The following USP8 variants were observed in gnomAD, a reference collection of about 807,000 sequenced individuals.
USP8 encodes the protein ubiquitin specific peptidase 8.
In USP8, 27 loss-of-function variants were observed where a neutral mutation model predicts 130.0. The observed-to-expected ratio is 0.21, with a 90% CI of 0.15 to 0.29. The LOEUF is 0.29. Ranked by LOEUF, USP8 falls within the 10% of genes least tolerant of loss-of-function variation. The probability of loss-of-function intolerance (pLI) is 1.00; values close to 1 mark genes in which losing one functional copy is unlikely to be tolerated. For missense variants in USP8, 1,029 were observed against 1,312.2 expected, an observed-to-expected ratio of 0.78 and a Z score of 3.33; for synonymous variants, 392 against 444.1, an observed-to-expected ratio of 0.88 and a Z score of 1.48.
chr15:50,496,110 T>C lies in USP8; in HGVS notation c.2895+26T>C, dbSNP rs767122194. 3.3e-6 allele frequency: 5 copies of C among 1,531,504 alleles called. No individual in the cohort carries two copies. In the African/African-American group the frequency reaches 4.1e-5, roughly 13 times the overall value. 94.9% of individuals were successfully genotyped at this position (1,531,504 alleles called of 1,614,324 possible). Reference sequence around the variant, plus strand: ...GTAAGTTTAAGAAGTAGAGAGAAAATGATTTATTGGATAAAAATGCTGTTT... The same window carrying C: ...GTAAGTTTAAGAAGTAGAGAGAAAACGATTTATTGGATAAAAATGCTGTTT... On this transcript the variant is annotated intron_variant, in intron 17 of 19. Transcript: ENST00000307179.
In USP8 at chr15:50,512,704, A is replaced by C. The variant is rs1319999361; in HGVS notation, c.*13616A>C. 6.6e-6 allele frequency: 1 copy of C among 151,962 alleles called. No homozygotes were observed. Among genetic ancestry groups the C allele is most frequent in the Non-Finnish European group, 1.5e-5 (1 of 68,018 alleles). The allele number at this position is 151,962 out of a possible 1,614,324, so 9.4% of individuals were successfully genotyped here. On this transcript the variant is annotated 3_prime_UTR_variant, in exon 20 of 20. Coordinates refer to ENST00000307179, the MANE Select transcript of USP8 (RefSeq NM_005154.5). ...CTACTTGGGAGGCTGGGGCATGAGA[A>C]TCATTTGAAACCAGGGGGTGGAGGT...
rs568026141 is a variant in USP8 at position 50,507,272 on chromosome 15, G to A, written c.*8184G>A. 5 of 152,642 alleles carry A rather than the reference G, an allele frequency of 3.3e-5. No individual in the cohort carries two copies. The highest frequency in any genetic ancestry group is 1.2e-4 in the African/African-American group (5 of 41,572). 9.5% of individuals were successfully genotyped at this position (152,642 alleles called of 1,614,324 possible). ...CACTCCAGCCTGGGGCACAGAGTGA[G>A]ACTCTGTCTCTAAAACAAAACAACA... On this transcript the variant is annotated 3_prime_UTR_variant, in exon 20 of 20. Transcript: ENST00000307179.
At chr15:50,443,641 G>A (rs1330742243) in intron 3 of USP8, among the ~76,000 whole-genome samples, 8 of 151,724 alleles carry the variant, frequency 5.3e-5, no homozygotes, top group East Asian at 3.9e-4. Context: ...GCACCACCAC[G>A]TCCAGCTAAT....
At position 50,494,240 on chromosome 15, in the gene USP8, T is replaced by C; in HGVS notation, c.2618T>C (p.Leu873Pro). 2 of 1,612,582 alleles carry C rather than the reference T, an allele frequency of 1.2e-6. No individual in the cohort carries two copies. Among genetic ancestry groups the C allele is most frequent in the Non-Finnish European group, 1.7e-6 (2 of 1,179,692 alleles). Residue 873 changes from leucine (L) to proline (P), a missense_variant, in exon 16 of 20, where the codon CTT becomes CCT. This residue lies in a region of USP8 where 257 missense variants were observed against 429.8 expected (regional missense o/e 0.60). Transcript: ENST00000307179. ...GYSQQDSQEL[L>P]LFLMDGLHED... ...AGTCAGCAAGATTCACAAGAATTGC[T>C]TCTGTTCCTAATGGATGGTCTCCAT...
chr15:50,445,535 G>A (rs1374435814), intron 3 of USP8, among the ~76,000 whole-genome samples: 27 of 22,524 alleles, frequency 1.2e-3, no homozygotes, highest in Non-Finnish European at 2.2e-3. Context: ...GACAGAGCAA[G>A]AGTCTGTCTC....
intron 3 of USP8, 104 bp downstream of exon 3, chr15:50,441,597 A>G: frequency 1.1e-6 from 1 of 945,258 alleles, no homozygotes; most frequent in South Asian, 1.8e-5. Context: ...AGCTCAAATT[A>G]TATGCAGCAT....
In USP8 at chr15:50,477,509, T is replaced by C. The variant is rs1204184713; in HGVS notation, c.1218+10T>C. The C allele has an allele frequency of 3.1e-6, 5 of 1,599,812 alleles. No homozygotes were observed. The highest frequency in any genetic ancestry group is 4.3e-6 in the Non-Finnish European group (5 of 1,172,358). On this transcript the variant is annotated intron_variant, in intron 10 of 19. Coordinates refer to ENST00000307179, the MANE Select transcript of USP8 (RefSeq NM_005154.5). ...AAAGAATGTTCCACAGGTATGTTCTTGATTTTAACATTATTCTCGCTTTTG... is the reference window on the plus strand; with the variant it reads ...AAAGAATGTTCCACAGGTATGTTCTCGATTTTAACATTATTCTCGCTTTTG...
intron 3 of USP8, 79 bp from the exon 4 acceptor site, chr15:50,449,321 T>C: frequency 3.5e-6 from 3 of 857,440 alleles, no homozygotes; most frequent in Non-Finnish European, 5.1e-6. Context: ...ATAAGCACCA[T>C]GATTTTAATG....
Position 50,493,827 on chromosome 15 carries a change from T to G in USP8, c.2448-243T>G, listed in dbSNP as rs16963739. ...GCCAGAAGGCAGAACCTCGCTGTCA[T>G]GAACTGGAGCCTGTTGATGATGAGG... On this transcript the variant is annotated intron_variant, in intron 15 of 19. Coordinates refer to ENST00000307179, the MANE Select transcript of USP8 (RefSeq NM_005154.5). 206 of 649,534 alleles carry G rather than the reference T, an allele frequency of 3.2e-4. No homozygotes were observed. The African/African-American group carries it at 3.3e-3, about 10-fold the overall frequency. The allele number at this position is 649,534 out of a possible 1,614,324, so 40.2% of individuals were successfully genotyped here.
At chr15:50,465,023 T>G (rs1431044753) in intron 6 of USP8, 24 bp from the exon 7 acceptor site, 1 of 1,611,750 alleles carries the variant, frequency 6.2e-7, no homozygotes, top group East Asian at 2.2e-5. Context: ...TCTTGTCACT[T>G]ACACTGTCTC....
chr15:50,460,390 T>C (rs2050951535), intron 5 of USP8, among the ~76,000 whole-genome samples: 1 of 143,268 alleles, frequency 7.0e-6, no homozygotes, highest in Admixed American at 7.4e-5. Flanking sequence ...CGCTGCAACC[T>C]CTGCTTCCCG....
intron 15 of USP8, 71 bp downstream of exon 15, chr15:50,492,984 C>T: frequency 7.1e-7 from 1 of 1,406,570 alleles, no homozygotes; most frequent in Non-Finnish European, 1.0e-6. Flanking sequence ...TGTCTTAGTC[C>T]ATTAGTTTTC....
chr15:50,478,535 ATT>A (rs751819360), intron 10 of USP8, among the ~76,000 whole-genome samples: 4 of 152,120 alleles, frequency 2.6e-5, no homozygotes, highest in Non-Finnish European at 4.4e-5. Context: ...TCATTTCTTC[ATT>A]TTTTTAAGGT....
At chr15:50,458,845 G>A (rs1444229744) in intron 4 of USP8, among the ~76,000 whole-genome samples, 155 bp from the exon 5 acceptor site, 1 of 152,144 alleles carries the variant, frequency 6.6e-6, no homozygotes, top group Non-Finnish European at 1.5e-5. Context: ...TCTACAGATG[G>A]CCTCAGGTGG....
At chr15:50,448,894 T>C (rs2050524364) in intron 3 of USP8, among the ~76,000 whole-genome samples, 1 of 152,194 alleles carries the variant, frequency 6.6e-6, no homozygotes, top group Admixed American at 6.6e-5. Context: ...GTGTAAAACT[T>C]GTTTTATGTA....
chr15:50,426,340 A>T (rs1010515607), intron 1 of USP8, among the ~76,000 whole-genome samples: 7 of 152,204 alleles, frequency 4.6e-5, no homozygotes, highest in African/African-American at 1.7e-4. Context: ...ATAATTAAGG[A>T]AACATTTAAA....
In USP8 at chr15:50,511,542, T is replaced by G. The variant is rs538860645; in HGVS notation, c.*12454T>G. On this transcript the variant is annotated 3_prime_UTR_variant, in exon 20 of 20. Transcript: ENST00000307179. Reference sequence around the variant, plus strand: ...GCCAAATGTCCATCACTGGATGGATTAAGGAAATGTGGTATATCCTATACA... The same window carrying G: ...GCCAAATGTCCATCACTGGATGGATGAAGGAAATGTGGTATATCCTATACA... 3.3e-5 allele frequency: 5 copies of G among 152,322 alleles called. No homozygotes were observed. Among genetic ancestry groups the G allele is most frequent in the South Asian group, 2.1e-4 (1 of 4,830 alleles). 9.4% of individuals were successfully genotyped at this position (152,322 alleles called of 1,614,324 possible).
In USP8 at chr15:50,481,515, C is replaced by G; in HGVS notation, c.1253C>G (p.Pro418Arg). The change falls in exon 11 of 20, where the codon CCT becomes CGT. Residue 418 changes from proline to arginine, a missense_variant. Physicochemically the swap from Pro to Arg is moderately radical, Grantham distance 103. This residue lies in a region of USP8 where 486 missense variants were observed against 522.0 expected (regional missense o/e 0.93). Coordinates refer to ENST00000307179, the MANE Select transcript of USP8 (RefSeq NM_005154.5). Reference protein sequence around the residue: ...DRTKKPAVKLPEEHRIKSEST... With the variant: ...DRTKKPAVKLREEHRIKSEST... Reference sequence around the variant, plus strand: ...ACTAAAAAACCAGCAGTCAAATTGCCTGAAGAGCATAGAATAAAATCTGAA... The same window carrying G: ...ACTAAAAAACCAGCAGTCAAATTGCGTGAAGAGCATAGAATAAAATCTGAA... 1 of 1,600,762 alleles carries G rather than the reference C, an allele frequency of 6.2e-7. No homozygotes were observed. The highest frequency in any genetic ancestry group is 8.5e-7 in the Non-Finnish European group (1 of 1,176,220).
rs529737090 is a variant in USP8, at chr15:50,508,436, T to C, written c.*9348T>C. The C allele has an allele frequency of 1.4e-4, 21 of 152,212 alleles. No homozygotes were observed. Among genetic ancestry groups the C allele is most frequent in the Non-Finnish European group, 1.0e-4 (7 of 68,034 alleles). The allele number at this position is 152,212 out of a possible 1,614,324, so 9.4% of individuals were successfully genotyped here. On this transcript the variant is annotated 3_prime_UTR_variant, in exon 20 of 20. Transcript: ENST00000307179. The stretch of plus-strand genomic sequence containing the variant: ...TGGCGGTTTGTTATGCTGTCCAATT[T>C]TGTATATGTTTGAAATATTCTATAA...
Sources: gnomAD v4.1 joint callset for allele counts (sites outside exome capture counted in the v4.1 genomes callset) on GRCh38, gnomAD v4.1.1 for gene constraint, gnomAD v4.1.1 regional missense constraint, MANE v1.5 for transcripts, NCBI Gene and HGNC (gene_info 2026-07-23, HGNC 2026-07-21) for gene names.